The following NELL2 variants were observed in gnomAD, a reference collection of about 807,000 sequenced individuals.
NELL2 encodes the protein protein kinase C-binding protein NELL2.
Under a neutral mutation model 109.6 loss-of-function variants are expected in NELL2, and 41 were observed. That is an observed-to-expected ratio of 0.37 (90% CI 0.29 to 0.49). NELL2 has a LOEUF of 0.49. Among genes scored for constraint, NELL2 ranks in the 20% least tolerant of loss-of-function variants. NELL2 has a pLI of 0.98. For synonymous variants in NELL2, 355 were observed against 344.7 expected (o/e 1.03, Z -0.33); for missense variants, 900 against 1,008.3 (o/e 0.89, Z 1.45).
At chr12:44,835,766 A>C (rs748476283) in intron 2 of NELL2, among the ~76,000 whole-genome samples, 1 of 152,204 alleles carries the variant, frequency 6.6e-6, no homozygotes, top group Non-Finnish European at 1.5e-5. Context: ...AACACCTGAC[A>C]CTTTGGTGGG....
chr12:44,558,922 T>G (rs984506409), intron 15 of NELL2, among the ~76,000 whole-genome samples: 1 of 152,130 alleles, frequency 6.6e-6, no homozygotes, highest in Admixed American at 6.5e-5. Flanking sequence ...TAAGATCCAC[T>G]ATCTTGAAAT....
chr12:44,701,543 C>G (rs1288172099), intron 12 of NELL2, among the ~76,000 whole-genome samples: 4 of 152,072 alleles, frequency 2.6e-5, no homozygotes, highest in Non-Finnish European at 2.9e-5. Context: ...TCTCTGGCCC[C>G]TTTCCTTAAC....
chr12:44,566,902 C>T (rs971885123), intron 15 of NELL2, among the ~76,000 whole-genome samples: 1 of 151,978 alleles, frequency 6.6e-6, no homozygotes, highest in Non-Finnish European at 1.5e-5. Context: ...ACATCCACCT[C>T]TCGGGTTCAA....
intron 13 of NELL2, among the ~76,000 whole-genome samples, chr12:44,656,311 G>A (rs1045207539): frequency 6.6e-6 from 1 of 151,938 alleles, no homozygotes; most frequent in East Asian, 1.9e-4. Context: ...CAGAGTAACC[G>A]TACATCAAGG....
At chr12:44,710,679 T>A (rs1938149082) in intron 11 of NELL2, among the ~76,000 whole-genome samples, 1 of 152,102 alleles carries the variant, frequency 6.6e-6, no homozygotes, top group Non-Finnish European at 1.5e-5. Context: ...ATAGCACAAA[T>A]TTTAGTGTTT....
chr12:44,665,246 T>C (rs765540864), intron 13 of NELL2, among the ~76,000 whole-genome samples: 1 of 152,178 alleles, frequency 6.6e-6, no homozygotes, highest in Admixed American at 6.5e-5. Flanking sequence ...AAATGTAGCA[T>C]ATACTCATTT....
intron 3 of NELL2, among the ~76,000 whole-genome samples, chr12:44,808,222 T>C (rs941598515): frequency 6.6e-6 from 1 of 152,094 alleles, no homozygotes; most frequent in Non-Finnish European, 1.5e-5. Flanking sequence ...GCTTCTTTAG[T>C]GTGAAACGGG....
intron 2 of NELL2, among the ~76,000 whole-genome samples, chr12:44,874,737 C>T (rs1945263961): frequency 1.3e-5 from 2 of 152,232 alleles, no homozygotes; most frequent in South Asian, 4.1e-4. Context: ...AAATATACTG[C>T]GACTGTGATA....
At chr12:44,588,057 G>A (rs376937959) in intron 15 of NELL2, among the ~76,000 whole-genome samples, 38 of 151,972 alleles carry the variant, frequency 2.5e-4, no homozygotes, top group East Asian at 9.7e-4. Context: ...AGGCTGAGGC[G>A]GGAGAATGGT....
intron 9 of NELL2, among the ~76,000 whole-genome samples, chr12:44,717,456 T>C (rs1247121009): frequency 5.3e-5 from 8 of 152,114 alleles, no homozygotes; most frequent in Non-Finnish European, 8.8e-5. Flanking sequence ...GACAGACTCA[T>C]ACACAACTAA....
intron 12 of NELL2, among the ~76,000 whole-genome samples, chr12:44,688,949 G>A (rs1211343521): frequency 2.0e-5 from 3 of 152,106 alleles, no homozygotes; most frequent in East Asian, 1.9e-4. Flanking sequence ...ATCACACTAC[G>A]AAGAAATGCA....
intron 9 of NELL2, 130 bp from the exon 10 acceptor site, chr12:44,714,871 C>A: frequency 2.2e-6 from 1 of 464,476 alleles, no homozygotes; most frequent in Non-Finnish European, 3.8e-6. Flanking sequence ...CCAGAAACCT[C>A]AATTCAATCT....
chr12:44,668,796 G>T (rs1948036142), intron 12 of NELL2, among the ~76,000 whole-genome samples: 1 of 152,124 alleles, frequency 6.6e-6, no homozygotes, highest in Admixed American at 6.5e-5. Context: ...TGGGCATGTG[G>T]CTCAGAGACC....
intron 9 of NELL2, among the ~76,000 whole-genome samples, chr12:44,762,888 A>C (rs1280982356): frequency 2.0e-5 from 3 of 152,198 alleles, no homozygotes; most frequent in African/African-American, 7.2e-5. Context: ...CAGAAAAGAT[A>C]TTTGGTGGTA....
In NELL2 at chr12:44,818,990, C is replaced by T. The variant is rs1043566020; in HGVS notation, c.185-2854G>A. Among the ~76,000 whole-genome samples, 3 of 152,078 alleles carry T rather than the reference C, an allele frequency of 2.0e-5. No homozygotes were observed. The South Asian group carries it at 6.2e-4, about 32-fold the overall frequency. On this transcript the variant is annotated intron_variant, in intron 2 of 19. Coordinates refer to ENST00000429094, the MANE Select transcript of NELL2 (RefSeq NM_001145108.2). ...ATCTCCTGACCTCATGATCCACCCG[C>T]CTCGGCCTCCCAAAGTGCTGGGATT... is the stretch of plus-strand genomic sequence containing the variant.
chr12:44,687,110 C>A (rs1948745261), intron 12 of NELL2, among the ~76,000 whole-genome samples: 1 of 152,202 alleles, frequency 6.6e-6, no homozygotes, highest in African/African-American at 2.4e-5. Flanking sequence ...TCTCCTGGTG[C>A]ACCATTTTTT....
intron 15 of NELL2, among the ~76,000 whole-genome samples, chr12:44,577,634 GC>G: frequency 6.6e-6 from 1 of 151,798 alleles, no homozygotes; most frequent in East Asian, 1.9e-4. Context: ...CCACCACCAT[GC>G]CCGGCTAATT....
intron 15 of NELL2, among the ~76,000 whole-genome samples, chr12:44,558,528 G>C (rs1012559842): frequency 1.3e-5 from 2 of 152,182 alleles, no homozygotes; most frequent in African/African-American, 4.8e-5. Context: ...GCCAGGGCTG[G>C]TCGGCGGGAG....
rs1258842985 is a variant in NELL2 at position 44,876,267 on chromosome 12, C to G, written c.-398G>C. 3.5e-6 allele frequency: 4 copies of G among 1,148,682 alleles called. No individual in the cohort carries two copies. The Admixed American group carries it at 1.3e-4, about 37-fold the overall frequency. 71.2% of individuals were successfully genotyped at this position (1,148,682 alleles called of 1,614,324 possible). On this transcript the variant is annotated 5_prime_UTR_variant, in exon 1 of 20. Transcript: ENST00000429094. Reference sequence around the variant, plus strand: ...AAGCCCGGGCTGGGGCGGCCCCGCACCCCCCCGTCTTCCCCGCCGCCCGAA... The same window carrying G: ...AAGCCCGGGCTGGGGCGGCCCCGCAGCCCCCCGTCTTCCCCGCCGCCCGAA...
Sources: allele counts gnomAD v4.1 joint callset (sites outside exome capture counted in the v4.1 genomes callset), GRCh38; gene constraint gnomAD v4.1.1; transcripts MANE v1.5; gene names NCBI Gene and HGNC (gene_info 2026-07-23, HGNC 2026-07-21).